The following TIMP4 variants were observed in gnomAD, a reference collection of about 807,000 sequenced individuals.
TIMP4 encodes the protein metalloproteinase inhibitor 4.
Under a neutral mutation model 27.3 loss-of-function variants are expected in TIMP4, and 28 were observed. That is an observed-to-expected ratio of 1.03 (90% CI 0.76 to 1.41). TIMP4 has a LOEUF of 1.41. Ranked by LOEUF, TIMP4 falls within the 40% of genes most tolerant of loss-of-function variation. TIMP4 has a pLI of 0.00. For missense variants in TIMP4, 307 were observed against 285.5 expected, an observed-to-expected ratio of 1.08 and a Z score of -0.54; for synonymous variants, 138 against 115.5, an observed-to-expected ratio of 1.20 and a Z score of -1.25.
chr3:12,155,504 A>G (rs1013756013), intron 3 of TIMP4, among the ~76,000 whole-genome samples: 3 of 152,176 alleles, frequency 2.0e-5, no homozygotes, highest in African/African-American at 7.2e-5. Context: ...GCAGGGAGAC[A>G]CAGCCTGGCA....
At position 12,158,832 on chromosome 3, in the gene TIMP4, C is replaced by T. The variant is rs1697547803; in HGVS notation, c.9G>A (p.Gly3=). ...CCCAGCTTGGCGCGGGCCGAGGGCT[C>T]CCAGGCATGACACTGCAGATCCGCG... MP[G]SPRPAPSWVL... The change falls in exon 1 of 5, where the codon GGG becomes GGA. Residue 3 remains glycine, a synonymous_variant. Transcript: ENST00000287814. 3.1e-6 allele frequency: 5 copies of T among 1,587,666 alleles called. No individual in the cohort carries two copies. Among genetic ancestry groups the T allele is most frequent in the Non-Finnish European group, 4.3e-6 (5 of 1,171,614 alleles).
At chr3:12,157,786 G>A (rs1240522025) in intron 1 of TIMP4, among the ~76,000 whole-genome samples, 1 of 152,224 alleles carries the variant, frequency 6.6e-6, no homozygotes, top group Non-Finnish European at 1.5e-5. Flanking sequence ...GCACAGGGTA[G>A]GAGTCAGAGT....
At chr3:12,154,215 C>A in intron 4 of TIMP4, 112 bp downstream of exon 4, 2 of 1,476,890 alleles carry the variant, frequency 1.4e-6, no homozygotes. Flanking sequence ...TCCCCAACTT[C>A]ATACAGTGCA....
Position 12,153,437 on chromosome 3 carries a change from T to C in TIMP4, c.*78A>G, listed in dbSNP as rs1266820030. Reference sequence around the variant, plus strand: ...CTGGCAGCAAGAGGTCAGGTGGTAATGGCCAAAGCTCTGCAGGGAAGGAGA... The same window carrying C: ...CTGGCAGCAAGAGGTCAGGTGGTAACGGCCAAAGCTCTGCAGGGAAGGAGA... On this transcript the variant is annotated 3_prime_UTR_variant, in exon 5 of 5. Coordinates refer to ENST00000287814, the MANE Select transcript of TIMP4 (RefSeq NM_003256.4). 2.6e-6 allele frequency: 4 copies of C among 1,536,294 alleles called. No homozygotes were observed. In the African/African-American group the frequency reaches 5.5e-5, roughly 21 times the overall value.
rs140022692 is a variant in TIMP4 at position 12,154,160 on chromosome 3, G to A, written c.477+167C>T. On this transcript the variant is annotated intron_variant, in intron 4 of 4. Coordinates refer to ENST00000287814, the MANE Select transcript of TIMP4 (RefSeq NM_003256.4). ...TGATGGCCACCTTCCCAGCCAAAGT[G>A]TAAGTACTTTGAGATCAGGGCCTAT... Among the ~76,000 whole-genome samples, 1,423 of 152,288 alleles carry A rather than the reference G, an allele frequency of 9.3e-3. 9 individuals are homozygous for A. The highest frequency in any genetic ancestry group is 0.014 in the Non-Finnish European group (956 of 68,024).
intron 3 of TIMP4, among the ~76,000 whole-genome samples, chr3:12,154,691 C>T (rs1223419729): frequency 1.3e-5 from 2 of 152,236 alleles, no homozygotes; most frequent in African/African-American, 4.8e-5. Context: ...TTTCGTTTAG[C>T]ATGGTACAGA....
intron 1 of TIMP4, among the ~76,000 whole-genome samples, chr3:12,157,966 A>T (rs1362526469): frequency 6.6e-6 from 1 of 152,228 alleles, no homozygotes; most frequent in Admixed American, 6.5e-5. Context: ...AGCATTAATA[A>T]CCAAAAACTG....
chr3:12,158,213 G>A lies in TIMP4; in HGVS notation c.139+489C>T, dbSNP rs566609999. ...TAAGTTAGCCCTTGAAGGATGAGTA[G>A]GAGTCTGCCAGGAATTTAAGGGTGT... On this transcript the variant is annotated intron_variant, in intron 1 of 4. Coordinates refer to ENST00000287814, the MANE Select transcript of TIMP4 (RefSeq NM_003256.4). 4.6e-5 allele frequency among the ~76,000 whole-genome samples: 7 copies of A among 152,306 alleles called. 1 individual carries two copies. The highest frequency in any genetic ancestry group is 1.4e-4 in the African/African-American group (6 of 41,570).
At chr3:12,154,180 G>A (rs1697384300) in intron 4 of TIMP4, 147 bp downstream of exon 4, 2 of 1,216,802 alleles carry the variant, frequency 1.6e-6, no homozygotes, top group Non-Finnish European at 2.3e-6. Context: ...TGAGATCAGG[G>A]CCTATAGACT....
At position 12,158,776 on chromosome 3, in the gene TIMP4, C is replaced by T. The variant is rs771705387; in HGVS notation, c.65G>A (p.Arg22Gln). ...GCATGCCTCACCCAGCCCCGGGGGC[C>T]GCAGCAACGCCAGCAGCCGCAGCAA... is the stretch of plus-strand genomic sequence containing the variant. ...VLLLRLLALL[R>Q]PPGLGEACSC... The change falls in exon 1 of 5, where the codon CGG becomes CAG. Residue 22 changes from arginine (R) to glutamine (Q), a missense_variant. Coordinates refer to ENST00000287814, the MANE Select transcript of TIMP4 (RefSeq NM_003256.4). The T allele has an allele frequency of 3.8e-5, 61 of 1,604,824 alleles. No individual in the cohort carries two copies. The highest frequency in any genetic ancestry group is 3.6e-4 in the East Asian group (16 of 44,792).
Position 12,156,894 on chromosome 3 carries a change from A to T in TIMP4, c.278T>A (p.Ile93Asn). The T allele has an allele frequency of 6.2e-7, 1 of 1,614,196 alleles. No individual in the cohort carries two copies. The highest frequency in any genetic ancestry group is 8.5e-7 in the Non-Finnish European group (1 of 1,180,034). Reference protein sequence around the residue: ...GFEKVKDVQYIYTPFDSSLCG... With the variant: ...GFEKVKDVQYNYTPFDSSLCG... ...GAGGGAAGAGTCAAAAGGCGTATAGATATACTGAACATCCTTGACTTTCTC... is the reference window on the plus strand; with the variant it reads ...GAGGGAAGAGTCAAAAGGCGTATAGTTATACTGAACATCCTTGACTTTCTC... The change falls in exon 3 of 5, where the codon ATC (isoleucine) becomes AAC (asparagine). Residue 93 changes from isoleucine to asparagine, a missense_variant. By Grantham distance (149) the Ile-to-Asn change is moderately radical. Coordinates refer to ENST00000287814, the MANE Select transcript of TIMP4 (RefSeq NM_003256.4).
intron 3 of TIMP4, 104 bp downstream of exon 3, chr3:12,156,716 C>A: frequency 1.2e-6 from 1 of 850,938 alleles, no homozygotes; most frequent in East Asian, 2.5e-5. Context: ...GAAAATGCCA[C>A]CTGGCTCAGC....
intron 3 of TIMP4, 119 bp from the exon 4 acceptor site, chr3:12,154,570 G>T: frequency 9.1e-7 from 1 of 1,103,292 alleles, no homozygotes; most frequent in Non-Finnish European, 1.3e-6. Context: ...GGCAGTGGTG[G>T]CATGGGGCTC....
Position 12,158,805 on chromosome 3 carries a change from C to T in TIMP4, c.36G>A (p.Val12=). 1 of 1,601,230 alleles carries T rather than the reference C, an allele frequency of 6.2e-7. No individual in the cohort carries two copies. The highest frequency in any genetic ancestry group is 1.3e-5 in the African/African-American group (1 of 74,932). The stretch of plus-strand genomic sequence containing the variant: ...GCAACGCCAGCAGCCGCAGCAACAG[C>T]ACCCAGCTTGGCGCGGGCCGAGGGC... The part of the protein sequence containing the change: ...PGSPRPAPSW[V]LLLRLLALLR... The change falls in exon 1 of 5, where the codon GTG becomes GTA. Residue 12 remains valine (V), a synonymous_variant. Transcript: ENST00000287814.
chr3:12,156,801 T>A lies in TIMP4; in HGVS notation c.352+19A>T, dbSNP rs771831162. 1 of 1,591,582 alleles carries A rather than the reference T, an allele frequency of 6.3e-7. No homozygotes were observed. Among genetic ancestry groups the A allele is most frequent in the African/African-American group, 1.3e-5 (1 of 74,612 alleles). ...CAGAATCTATTATATTAAGGCCAGT[T>A]GTTGGTCTTTTAACTTACCAGTCAA... is the stretch of plus-strand genomic sequence containing the variant. On this transcript the variant is annotated intron_variant, in intron 3 of 4. Transcript: ENST00000287814.
intron 1 of TIMP4, 44 bp downstream of exon 1, chr3:12,158,658 C>A: frequency 6.2e-7 from 1 of 1,605,208 alleles, no homozygotes. Flanking sequence ...TACTAATCCC[C>A]CACAACCACC....
chr3:12,156,176 T>G (rs1559444358), intron 3 of TIMP4, among the ~76,000 whole-genome samples: 1 of 152,238 alleles, frequency 6.6e-6, no homozygotes, highest in Non-Finnish European at 1.5e-5. Flanking sequence ...GTGCTTTTTC[T>G]TTCCCTTGCT....
intron 1 of TIMP4, 35 bp downstream of exon 1, chr3:12,158,667 C>T (rs747610006): frequency 1.2e-6 from 2 of 1,607,230 alleles, no homozygotes; most frequent in Admixed American, 1.7e-5. Flanking sequence ...CCCACAACCA[C>T]CCCCTGCTGT....
At chr3:12,158,053 T>A (rs1340714633) in intron 1 of TIMP4, among the ~76,000 whole-genome samples, 4 of 152,096 alleles carry the variant, frequency 2.6e-5, no homozygotes, top group African/African-American at 7.2e-5. Context: ...AGGGTCCCCA[T>A]CCTGCCGAGC....
Sources: allele counts gnomAD v4.1 joint callset (sites outside exome capture counted in the v4.1 genomes callset), GRCh38; gene constraint gnomAD v4.1.1; transcripts MANE v1.5; gene names NCBI Gene and HGNC (gene_info 2026-07-23, HGNC 2026-07-21).